CLYBL: variants seen among roughly 807,000 people sequenced by gnomAD.
The protein encoded by CLYBL is citramalyl-CoA lyase, mitochondrial.
Under a neutral mutation model 38.9 loss-of-function variants are expected in CLYBL, and 31 were observed. The observed-to-expected ratio is 0.80, with a 90% CI of 0.60 to 1.08. The LOEUF is 1.08. CLYBL is among the 50% of genes least tolerant of loss of function. CLYBL has a pLI of 0.00. For missense variants in CLYBL, 434 were observed against 411.6 expected (o/e 1.05, Z -0.47); for synonymous variants, 171 against 158.6 (o/e 1.08, Z -0.59).
chr13:99,822,027 A>G (rs1167537015), intron 2 of CLYBL, among the ~76,000 whole-genome samples: 1 of 152,194 alleles, frequency 6.6e-6, no homozygotes. Context: ...CTGGAGACAC[A>G]GGTCCTTAGT....
intron 1 of CLYBL, among the ~76,000 whole-genome samples, chr13:99,721,770 G>A (rs551668391): frequency 3.3e-5 from 5 of 151,966 alleles, no homozygotes; most frequent in Admixed American, 6.6e-5. Context: ...CCATTGGCCC[G>A]CATGTTGTAC....
chr13:99,738,726 A>G (rs1016356707), intron 1 of CLYBL, among the ~76,000 whole-genome samples: 10 of 152,164 alleles, frequency 6.6e-5, no homozygotes, highest in African/African-American at 2.4e-4. Context: ...ACTTTACTAG[A>G]TCACTCAGTT....
chr13:99,750,327 A>T (rs1222249721), intron 1 of CLYBL, among the ~76,000 whole-genome samples: 3 of 152,186 alleles, frequency 2.0e-5, no homozygotes, highest in Admixed American at 2.0e-4. Context: ...ATCAGCCCTT[A>T]GAGTCAAAAT....
chr13:99,809,031 G>T (rs1482751861), intron 2 of CLYBL, among the ~76,000 whole-genome samples: 1 of 152,082 alleles, frequency 6.6e-6, no homozygotes, highest in Non-Finnish European at 1.5e-5. Context: ...GGGGAGGTGG[G>T]GTGGGGGAAA....
Position 99,800,908 on chromosome 13 carries a change from A to AAC in CLYBL, c.249+27899_249+27900insCA, listed in dbSNP as rs2050121486. The stretch of plus-strand genomic sequence containing the variant: ...AACAACAACAACAAAAAAAAAAAAC[A>AAC]AAAAAAAAAAAACGTAATTGGGTTT... On this transcript the variant is annotated intron_variant, in intron 2 of 8. Transcript: ENST00000339105. 5.1e-5 allele frequency among the ~76,000 whole-genome samples: 4 copies of AAC among 78,770 alleles called. No homozygotes were observed. The South Asian group carries it at 1.1e-3, about 22-fold the overall frequency. 51.7% of individuals were successfully genotyped at this position (78,770 alleles called of 152,430 possible).
At chr13:99,735,026 C>T (rs144329216) in intron 1 of CLYBL, among the ~76,000 whole-genome samples, 1,538 of 152,260 alleles carry the variant, frequency 0.01, 38 homozygotes, top group Admixed American at 0.044. Context: ...TCTCTCAGCC[C>T]GCAAAGTCTG....
intron 2 of CLYBL, among the ~76,000 whole-genome samples, chr13:99,827,464 T>C (rs1345402770): frequency 6.6e-6 from 1 of 152,066 alleles, no homozygotes; most frequent in Non-Finnish European, 1.5e-5. Context: ...AAGTCCCCAG[T>C]CTCTGCCTCA....
intron 2 of CLYBL, among the ~76,000 whole-genome samples, chr13:99,821,572 A>G (rs570438007): frequency 6.6e-6 from 1 of 152,328 alleles, no homozygotes; most frequent in South Asian, 2.1e-4. Context: ...TACTACATAT[A>G]TGTGGTCAAA....
Position 99,859,004 on chromosome 13 carries a change from C to T in CLYBL, c.393C>T (p.Ser131=). 6.2e-7 allele frequency: 1 copy of T among 1,613,942 alleles called. No individual in the cohort carries two copies. The highest frequency in any genetic ancestry group is 8.5e-7 in the Non-Finnish European group (1 of 1,179,958). The stretch of plus-strand genomic sequence containing the variant: ...TTTTGCAATCCCGGGTCCTTCCTTC[C>T]AGCCTGATGCTACCAAAGGTGGAAA... ...ETLLQSRVLP[S]SLMLPKVESP... is the part of the protein sequence containing the mutation. The change falls in exon 3 of 9, where the codon TCC becomes TCT. Residue 131 remains serine (S), a synonymous_variant. Coordinates refer to ENST00000339105, the MANE Select transcript of CLYBL (RefSeq NM_206808.5).
intron 1 of CLYBL, among the ~76,000 whole-genome samples, chr13:99,722,102 G>C (rs936923457): frequency 1.3e-5 from 2 of 152,190 alleles, no homozygotes; most frequent in African/African-American, 4.8e-5. Context: ...ACTTTTCAGA[G>C]CTCAAGCCAG....
At chr13:99,854,748 G>T (rs2051417711) in intron 2 of CLYBL, among the ~76,000 whole-genome samples, 1 of 152,120 alleles carries the variant, frequency 6.6e-6, no homozygotes, top group Non-Finnish European at 1.5e-5. Context: ...GAGTCTGCAG[G>T]TTTTGGTGAT....
chr13:99,850,596 C>T (rs1367798452), intron 2 of CLYBL, among the ~76,000 whole-genome samples: 2 of 152,154 alleles, frequency 1.3e-5, no homozygotes, highest in Non-Finnish European at 2.9e-5. Context: ...ATGGTACAGC[C>T]GCTGTGGAAA....
intron 2 of CLYBL, 40 bp from the exon 3 acceptor site, chr13:99,858,821 T>C: frequency 6.9e-7 from 1 of 1,450,558 alleles, no homozygotes; most frequent in Non-Finnish European, 9.4e-7. Context: ...CTCCCCTCAA[T>C]GATAAAAATA....
At chr13:99,721,479 A>G (rs1392260309) in intron 1 of CLYBL, among the ~76,000 whole-genome samples, 1 of 150,246 alleles carries the variant, frequency 6.7e-6, no homozygotes, top group Non-Finnish European at 1.5e-5. Flanking sequence ...TTAAATATAT[A>G]TATATATTTT....
chr13:99,776,269 C>T (rs949525165), intron 2 of CLYBL, among the ~76,000 whole-genome samples: 2 of 151,448 alleles, frequency 1.3e-5, no homozygotes, highest in Non-Finnish European at 1.5e-5. Context: ...CCGAGGCAGG[C>T]GGATCACTTG....
At chr13:99,664,280 A>G (rs2047449424) in intron 1 of CLYBL, among the ~76,000 whole-genome samples, 1 of 152,176 alleles carries the variant, frequency 6.6e-6, no homozygotes, top group Non-Finnish European at 1.5e-5. Context: ...AGTTCTGACA[A>G]TTTGTTTGCT....
intron 7 of CLYBL, 36 bp from the exon 8 acceptor site, chr13:99,891,282 T>C (rs1422253636): frequency 7.0e-7 from 1 of 1,432,362 alleles, no homozygotes; most frequent in Non-Finnish European, 9.9e-7. Context: ...TAATTTCGAG[T>C]ATTCTTTCAG....
At chr13:99,844,064 C>T (rs12856441) in intron 2 of CLYBL, among the ~76,000 whole-genome samples, 1,954 of 152,246 alleles carry the variant, frequency 0.013, 58 homozygotes, top group East Asian at 0.071. Context: ...GTGTGGTTGC[C>T]GTACTGGCCG....
At chr13:99,780,699 T>C (rs1333475896) in intron 2 of CLYBL, among the ~76,000 whole-genome samples, 4 of 148,934 alleles carry the variant, frequency 2.7e-5, no homozygotes, top group Non-Finnish European at 5.9e-5. Flanking sequence ...TTAACTAGAA[T>C]GTTAATCCAT....
Sources: gnomAD v4.1 joint callset for allele counts (sites outside exome capture counted in the v4.1 genomes callset) on GRCh38, gnomAD v4.1.1 for gene constraint, MANE v1.5 for transcripts, NCBI Gene and HGNC (gene_info 2026-07-23, HGNC 2026-07-21) for gene names.